CYCS: variants seen among roughly 807,000 people sequenced by gnomAD.
The protein encoded by CYCS is cytochrome c, somatic.
For missense variants in CYCS, 87 were observed against 125.3 expected, an observed-to-expected ratio of 0.69 and a Z score of 1.46; for synonymous variants, 41 against 43.0, an observed-to-expected ratio of 0.95 and a Z score of 0.18.
In CYCS at chr7:25,119,184, C is replaced by T. The variant is rs145421461; in HGVS notation, c.*4517G>A. 1.2e-4 allele frequency among the ~76,000 whole-genome samples: 18 copies of T among 152,342 alleles called. No individual in the cohort carries two copies. Among genetic ancestry groups the T allele is most frequent in the South Asian group, 4.1e-4 (2 of 4,832 alleles). Reference sequence around the variant, plus strand: ...CATATGCCTTGCATTACATAGCTCTCGCCCCCAACTTGGCAACATCTTATT... The same window carrying T: ...CATATGCCTTGCATTACATAGCTCTTGCCCCCAACTTGGCAACATCTTATT... On this transcript the variant is annotated 3_prime_UTR_variant, in exon 3 of 3. Coordinates refer to ENST00000305786, the MANE Select transcript of CYCS (RefSeq NM_018947.6).
In CYCS at chr7:25,120,313, T is replaced by A. The variant is rs1137509; in HGVS notation, c.*3388A>T. ...GTTGACCAGGCTGGTCTCAAACGCC[T>A]GACCTCAAGTGATCTGCCTGCCTTG... On this transcript the variant is annotated 3_prime_UTR_variant, in exon 3 of 3. Transcript: ENST00000305786. 3.3e-5 allele frequency: 5 copies of A among 152,222 alleles called. No individual in the cohort carries two copies. The highest frequency in any genetic ancestry group is 9.7e-5 in the African/African-American group (4 of 41,438). The allele number at this position is 152,222 out of a possible 1,614,324, so 9.4% of individuals were successfully genotyped here. A position where few individuals can be genotyped will look rare whatever the true frequency, so the allele number is the denominator to read the frequency against.
rs1783405018 is a variant in CYCS at position 25,124,097 on chromosome 7, T to C, written c.23A>G (p.Lys8Arg). 1.2e-6 allele frequency: 2 copies of C among 1,613,698 alleles called. No individual in the cohort carries two copies. Among genetic ancestry groups the C allele is most frequent in the Non-Finnish European group, 1.7e-6 (2 of 1,179,966 alleles). The change falls in exon 2 of 3, where the codon AAG becomes AGG. Residue 8 changes from lysine (K) to arginine (R), a missense_variant. Lys to Arg is a conservative substitution (Grantham distance 26, BLOSUM62 2). Coordinates refer to ENST00000305786, the MANE Select transcript of CYCS (RefSeq NM_018947.6). ...GGAACACTTCATAATAAAAATCTTC[T>C]TGCCTTTCTCAACATCACCCATATT... MGDVEKG[K>R]KIFIMKCSQC...
At chr7:25,124,576 G>A (rs1450288828) in intron 1 of CYCS, 1 of 234,706 alleles carries the variant, frequency 4.3e-6, no homozygotes, top group African/African-American at 2.3e-5. Flanking sequence ...TTTAAAAAGC[G>A]GTCCTGGCTG....
rs1008555314 is a variant in CYCS, at chr7:25,118,986, A to T, written c.*4715T>A. Among the ~76,000 whole-genome samples the T allele has an allele frequency of 1.1e-4, 16 of 152,182 alleles. No homozygotes were observed. The highest frequency in any genetic ancestry group is 3.6e-4 in the African/African-American group (15 of 41,438). Reference sequence around the variant, plus strand: ...AGATAACCTGGAACCTATTAAATGGATATCCAACATTTTGTACTGAACTCT... The same window carrying T: ...AGATAACCTGGAACCTATTAAATGGTTATCCAACATTTTGTACTGAACTCT... On this transcript the variant is annotated 3_prime_UTR_variant, in exon 3 of 3. Coordinates refer to ENST00000305786, the MANE Select transcript of CYCS (RefSeq NM_018947.6).
chr7:25,124,277 T>C, intron 1 of CYCS, 150 bp from the exon 2 acceptor site: 1 of 701,318 alleles, frequency 1.4e-6, no homozygotes, highest in Non-Finnish European at 2.5e-6. Context: ...TAATACTCTT[T>C]ATACCAAATA....
chr7:25,124,238 T>A, intron 1 of CYCS, 111 bp from the exon 2 acceptor site: 1 of 812,688 alleles, frequency 1.2e-6, no homozygotes, highest in Non-Finnish European at 2.1e-6. Context: ...TTTATGTCAT[T>A]AAATACCAGA....
chr7:25,123,108 G>T lies in CYCS; in HGVS notation c.*593C>A, dbSNP rs1436258773. 6.4e-6 allele frequency: 1 copy of T among 155,508 alleles called. No individual in the cohort carries two copies. Among genetic ancestry groups the T allele is most frequent in the Admixed American group, 6.2e-5 (1 of 16,006 alleles). The allele number at this position is 155,508 out of a possible 1,614,324, so 9.6% of individuals were successfully genotyped here. ...AGATCTGTAAGATGTGAGAGGTGTT[G>T]AATAATCTTTAATATTACACATAAA... is the stretch of plus-strand genomic sequence containing the variant. On this transcript the variant is annotated 3_prime_UTR_variant, in exon 3 of 3. Coordinates refer to ENST00000305786, the MANE Select transcript of CYCS (RefSeq NM_018947.6).
intron 1 of CYCS, chr7:25,124,771 G>C (rs1473788956): frequency 6.5e-6 from 1 of 153,526 alleles, no homozygotes; most frequent in Non-Finnish European, 1.4e-5. Flanking sequence ...TAGGATGTCA[G>C]AACGACTGAC....
intron 1 of CYCS, 39 bp from the exon 2 acceptor site, chr7:25,124,166 G>A (rs1376622441): frequency 6.5e-7 from 1 of 1,543,216 alleles, no homozygotes; most frequent in South Asian, 1.1e-5. Context: ...TTTTTCCTCA[G>A]GTAACAAATA....
In CYCS at chr7:25,118,782, TATTTAAATGTTTAA is replaced by T. The variant is rs1403558796; in HGVS notation, c.*4905_*4918del. 1.1e-3 allele frequency among the ~76,000 whole-genome samples: 162 copies of T among 152,350 alleles called. 2 individuals are homozygous for T. The East Asian group carries it at 0.03, about 28-fold the overall frequency. On this transcript the variant is annotated 3_prime_UTR_variant, in exon 3 of 3. Transcript: ENST00000305786. ...AACTACACTGTTCAAGTTACAGACA[TATTTAAATGTTTAA>T]ATTTAAAATGTTAAATTTAACATTT...
At position 25,123,932 on chromosome 7, in the gene CYCS, T is replaced by A; in HGVS notation, c.169+19A>T. 3.1e-6 allele frequency: 5 copies of A among 1,614,228 alleles called. No homozygotes were observed. The highest frequency in any genetic ancestry group is 4.2e-6 in the Non-Finnish European group (5 of 1,180,044). On this transcript the variant is annotated intron_variant, in intron 2 of 2. Transcript: ENST00000305786. ...TATTCCTGCATTTTGTGTTGTTTTA[T>A]TTAACAAGTGACTCTTACCTTTGTT...
At position 25,123,936 on chromosome 7, in the gene CYCS, AC is replaced by A; in HGVS notation, c.169+14del. ...CCTGCATTTTGTGTTGTTTTATTTAACAAGTGACTCTTACCTTTGTTCTTAT... is the reference window on the plus strand; with the variant it reads ...CCTGCATTTTGTGTTGTTTTATTTAAAAGTGACTCTTACCTTTGTTCTTAT... On this transcript the variant is annotated intron_variant, in intron 2 of 2. Coordinates refer to ENST00000305786, the MANE Select transcript of CYCS (RefSeq NM_018947.6). 6.2e-7 allele frequency: 1 copy of A among 1,614,144 alleles called. No homozygotes were observed. Among genetic ancestry groups the A allele is most frequent in the Non-Finnish European group, 8.5e-7 (1 of 1,180,014 alleles).
At position 25,120,138 on chromosome 7, in the gene CYCS, T is replaced by C. The variant is rs1353306741; in HGVS notation, c.*3563A>G. ...GTTTCACTCGTCACCCAGGCTTGAGTGCAGTGGCACAATCTTGGCTCACTG... is the reference window on the plus strand; with the variant it reads ...GTTTCACTCGTCACCCAGGCTTGAGCGCAGTGGCACAATCTTGGCTCACTG... On this transcript the variant is annotated 3_prime_UTR_variant, in exon 3 of 3. Transcript: ENST00000305786. 2 of 151,636 alleles carry C rather than the reference T, an allele frequency of 1.3e-5. No homozygotes were observed. The highest frequency in any genetic ancestry group is 4.9e-5 in the African/African-American group (2 of 41,202). The allele number at this position is 151,636 out of a possible 1,614,324, so 9.4% of individuals were successfully genotyped here.
chr7:25,119,591 T>TA lies in CYCS; in HGVS notation c.*4109dup, dbSNP rs59305133. Among the ~76,000 whole-genome samples the TA allele has an allele frequency of 2.0e-5, 3 of 150,320 alleles. No individual in the cohort carries two copies. The highest frequency in any genetic ancestry group is 2.1e-4 in the South Asian group (1 of 4,762). ...GCACCCAGACCACTTTTTTTTTTTTTAAAAGAGATGGAGTTTCCTTTATCT... is the reference window on the plus strand; with the variant it reads ...GCACCCAGACCACTTTTTTTTTTTTTAAAAAGAGATGGAGTTTCCTTTATCT... On this transcript the variant is annotated 3_prime_UTR_variant, in exon 3 of 3. Transcript: ENST00000305786.
rs1783322069 is a variant in CYCS at position 25,119,296 on chromosome 7, G to A, written c.*4405C>T. Among the ~76,000 whole-genome samples the A allele has an allele frequency of 6.6e-6, 1 of 152,118 alleles. No individual in the cohort carries two copies. The highest frequency in any genetic ancestry group is 6.5e-5 in the Admixed American group (1 of 15,280). ...CTAAGGAAACTTTTTTTCTTTTTGA[G>A]ACGGAGTTTCACTATTGTTGCCCAG... On this transcript the variant is annotated 3_prime_UTR_variant, in exon 3 of 3. Transcript: ENST00000305786.
In CYCS at chr7:25,121,921, T is replaced by C. The variant is rs941961108; in HGVS notation, c.*1780A>G. On this transcript the variant is annotated 3_prime_UTR_variant, in exon 3 of 3. Transcript: ENST00000305786. Reference sequence around the variant, plus strand: ...CAGCCTTGGCGACACAGCGTGACCATGTCTCAAAAAACAAACTAAACGCCA... The same window carrying C: ...CAGCCTTGGCGACACAGCGTGACCACGTCTCAAAAAACAAACTAAACGCCA... 6.6e-6 allele frequency: 1 copy of C among 151,646 alleles called. No individual in the cohort carries two copies. The highest frequency in any genetic ancestry group is 2.4e-5 in the African/African-American group (1 of 41,204). The allele number at this position is 151,646 out of a possible 1,614,324, so 9.4% of individuals were successfully genotyped here.
rs1293357304 is a variant in CYCS at position 25,122,798 on chromosome 7, A to C, written c.*903T>G. On this transcript the variant is annotated 3_prime_UTR_variant, in exon 3 of 3. Coordinates refer to ENST00000305786, the MANE Select transcript of CYCS (RefSeq NM_018947.6). ...TTTTAATCATTAAAATTTGTGCATC[A>C]GTCATGAAATCAAGCACAGTCAAAA... The C allele has an allele frequency of 6.6e-6, 1 of 152,242 alleles. No individual in the cohort carries two copies. Among genetic ancestry groups the C allele is most frequent in the Non-Finnish European group, 1.5e-5 (1 of 68,028 alleles). The allele number at this position is 152,242 out of a possible 1,614,324, so 9.4% of individuals were successfully genotyped here. A position where few individuals can be genotyped will look rare whatever the true frequency, so the allele number is the denominator to read the frequency against.
Position 25,123,987 on chromosome 7 carries a change from G to A in CYCS, c.133C>T (p.Pro45Ser). 1 of 1,614,128 alleles carries A rather than the reference G, an allele frequency of 6.2e-7. No homozygotes were observed. Among genetic ancestry groups the A allele is most frequent in the Non-Finnish European group, 8.5e-7 (1 of 1,180,040 alleles). Residue 45 changes from proline (P) to serine (S), a missense_variant, in exon 2 of 3, where the codon CCT becomes TCT. Transcript: ENST00000305786. ...GLFGRKTGQAPGYSYTAANKN... is the reference protein window; with the variant it reads ...GLFGRKTGQASGYSYTAANKN... The stretch of plus-strand genomic sequence containing the variant: ...TTGGCGGCTGTGTAAGAGTATCCAG[G>A]GGCCTGACCTGTCTTCCGCCCAAAG...
Position 25,120,046 on chromosome 7 carries a change from A to C in CYCS, c.*3655T>G, listed in dbSNP as rs1583392946. ...TAAAGGTGAGCACAACAGGAACTGG[A>C]ATCTATTCTGAAGGGCAATATAATG... is the stretch of plus-strand genomic sequence containing the variant. On this transcript the variant is annotated 3_prime_UTR_variant, in exon 3 of 3. Coordinates refer to ENST00000305786, the MANE Select transcript of CYCS (RefSeq NM_018947.6). 6.6e-6 allele frequency: 1 copy of C among 152,266 alleles called. No individual in the cohort carries two copies. Among genetic ancestry groups the C allele is most frequent in the Non-Finnish European group, 1.5e-5 (1 of 68,032 alleles). The allele number at this position is 152,266 out of a possible 1,614,324, so 9.4% of individuals were successfully genotyped here. A position where few individuals can be genotyped will look rare whatever the true frequency, so the allele number is the denominator to read the frequency against.
Sources: gnomAD v4.1 joint callset for allele counts (sites outside exome capture counted in the v4.1 genomes callset) on GRCh38, gnomAD v4.1.1 for gene constraint, MANE v1.5 for transcripts, NCBI Gene and HGNC (gene_info 2026-07-23, HGNC 2026-07-21) for gene names.